NFE2L3: variants seen among roughly 807,000 people sequenced by gnomAD.
NFE2L3 encodes nuclear factor erythroid 2-related factor 3.
A neutral mutation model predicts 23.5 loss-of-function variants in NFE2L3; 18 were observed. The ratio of observed to expected loss-of-function variants is 0.77; its 90% CI spans 0.53 to 1.13. The LOEUF (loss-of-function observed/expected upper bound fraction) is 1.13. Ranked by LOEUF, NFE2L3 falls within the 50% of genes most tolerant of loss-of-function variation. The pLI, the probability that NFE2L3 is intolerant of heterozygous loss-of-function variation, is 0.00. For synonymous variants in NFE2L3, 424 were observed against 354.5 expected, an observed-to-expected ratio of 1.20 and a Z score of -2.20; for missense variants, 1,152 against 877.2, an observed-to-expected ratio of 1.31 and a Z score of -3.96.
At chr7:26,183,623 TCCTTTAAAGATAAAGCCTAAAG>T in intron 2 of NFE2L3, 56 bp from the exon 3 acceptor site, 1 of 825,908 alleles carries the variant, frequency 1.2e-6, no homozygotes, top group African/African-American at 1.7e-5. Context: ...TACCTGGTGA[TCCTTTAAAGATAAAGCCTAAAG>T]CCCCAACCAG....
At chr7:26,175,757 C>T (rs565899238) in intron 1 of NFE2L3, among the ~76,000 whole-genome samples, 105 of 143,668 alleles carry the variant, frequency 7.3e-4, no homozygotes, top group Non-Finnish European at 1.1e-3. Flanking sequence ...CCAGCCTGGG[C>T]GACAGAGCAA....
chr7:26,166,222 G>C (rs1784250115), intron 1 of NFE2L3, among the ~76,000 whole-genome samples: 1 of 152,162 alleles, frequency 6.6e-6, no homozygotes, highest in Admixed American at 6.5e-5. Context: ...GGGGCAGACA[G>C]GGACGTTGGA....
At chr7:26,163,732 G>A (rs561442456) in intron 1 of NFE2L3, among the ~76,000 whole-genome samples, 4 of 152,274 alleles carry the variant, frequency 2.6e-5, no homozygotes, top group South Asian at 2.1e-4. Flanking sequence ...ATGTATACAT[G>A]TGCCATGTTG....
Position 26,185,757 on chromosome 7 carries a change from G to GT in NFE2L3, c.2059_2060insT (p.Glu687ValfsTer13), listed in dbSNP as rs1782467744. ...ACTGGTGGCCTCAGGCCACAAAAAG[G>GT]AAACCCAAAAGGGAAAGAGAAAGTG... On this transcript the variant is annotated frameshift_variant, in exon 4 of 4. Transcript: ENST00000056233. LOFTEE classifies it high-confidence loss of function. 5.7e-6 allele frequency: 9 copies of GT among 1,584,502 alleles called. No individual in the cohort carries two copies. Among genetic ancestry groups the GT allele is most frequent in the Non-Finnish European group, 6.8e-6 (8 of 1,172,670 alleles).
At chr7:26,183,829 C>A in intron 3 of NFE2L3, 45 bp downstream of exon 3, 3 of 1,250,304 alleles carry the variant, frequency 2.4e-6, no homozygotes, top group South Asian at 1.2e-5. Context: ...CATATCTGCA[C>A]TGACCTTTTG....
At chr7:26,172,524 T>A (rs1054276201) in intron 1 of NFE2L3, among the ~76,000 whole-genome samples, 2 of 152,238 alleles carry the variant, frequency 1.3e-5, no homozygotes, top group African/African-American at 4.8e-5. Flanking sequence ...CTATCTAATC[T>A]ACAGTCCATT....
chr7:26,172,770 C>T (rs375832358), intron 1 of NFE2L3, among the ~76,000 whole-genome samples: 4 of 152,138 alleles, frequency 2.6e-5, no homozygotes, highest in African/African-American at 4.8e-5. Flanking sequence ...CAGGAGACCA[C>T]GATGTTGGTT....
At chr7:26,160,747 T>C (rs892466718) in intron 1 of NFE2L3, among the ~76,000 whole-genome samples, 1 of 152,268 alleles carries the variant, frequency 6.6e-6, no homozygotes, top group Non-Finnish European at 1.5e-5. Flanking sequence ...GCTAACCACA[T>C]GTACAGAATA....
intron 1 of NFE2L3, among the ~76,000 whole-genome samples, chr7:26,161,266 C>T (rs1784165162): frequency 6.8e-6 from 1 of 147,658 alleles, no homozygotes; most frequent in Admixed American, 6.8e-5. Context: ...GGAGGCAGAA[C>T]TCTAAATGCC....
Position 26,152,837 on chromosome 7 carries a change from G to A in NFE2L3, c.339G>A (p.Val113=). The stretch of plus-strand genomic sequence containing the variant: ...GCACCAGCGTGGATGCATGGCTGGT[G>A]CACAGCGTGGCTGCCGGGAGCGCGG... ...VPRTSVDAWL[V]HSVAAGSADE... Residue 113 remains valine (V), a synonymous_variant, in exon 1 of 4, where the codon GTG becomes GTA. Transcript: ENST00000056233. This position sits in a 1 kb window ranked among gnomAD's most constrained non-coding sequence, Gnocchi z 4.4. 1 of 1,476,976 alleles carries A rather than the reference G, an allele frequency of 6.8e-7. No individual in the cohort carries two copies. Among genetic ancestry groups the A allele is most frequent in the South Asian group, 1.3e-5 (1 of 78,126 alleles). 91.5% of individuals were successfully genotyped at this position (1,476,976 alleles called of 1,614,324 possible). A position where few individuals can be genotyped will look rare whatever the true frequency, so the allele number is the denominator to read the frequency against.
At chr7:26,159,765 C>T (rs1187080062) in intron 1 of NFE2L3, among the ~76,000 whole-genome samples, 1 of 152,068 alleles carries the variant, frequency 6.6e-6, no homozygotes, top group African/African-American at 2.4e-5. Flanking sequence ...AGTGGTGAAA[C>T]TTGGGATTGC....
At chr7:26,179,033 C>T (rs1784462574) in intron 2 of NFE2L3, among the ~76,000 whole-genome samples, 1 of 151,478 alleles carries the variant, frequency 6.6e-6, no homozygotes, top group South Asian at 2.1e-4. Context: ...TTACATGGAA[C>T]ATTACTTATT....
chr7:26,169,464 GCA>G (rs1784302554), intron 1 of NFE2L3, among the ~76,000 whole-genome samples: 1 of 152,206 alleles, frequency 6.6e-6, no homozygotes, highest in Non-Finnish European at 1.5e-5. Context: ...TGGGATGTGG[GCA>G]CACTGGGATG....
intron 1 of NFE2L3, among the ~76,000 whole-genome samples, chr7:26,172,899 T>C: frequency 6.6e-6 from 1 of 152,204 alleles, no homozygotes; most frequent in African/African-American, 2.4e-5. Context: ...GAGTGATACT[T>C]TGAGACTCTT....
At chr7:26,164,183 G>A (rs572549673) in intron 1 of NFE2L3, among the ~76,000 whole-genome samples, 28 of 152,296 alleles carry the variant, frequency 1.8e-4, no homozygotes, top group Middle Eastern at 3.4e-3. Context: ...GTAATGGGAT[G>A]GCTAGGTCAA....
rs1279014640 is a variant in NFE2L3 at position 26,185,920 on chromosome 7, T to A, written c.*137T>A. 12 of 755,906 alleles carry A rather than the reference T, an allele frequency of 1.6e-5. No homozygotes were observed. Among genetic ancestry groups the A allele is most frequent in the Non-Finnish European group, 2.3e-5 (11 of 486,622 alleles). The allele number at this position is 755,906 out of a possible 1,614,324, so 46.8% of individuals were successfully genotyped here. On this transcript the variant is annotated 3_prime_UTR_variant, in exon 4 of 4. Coordinates refer to ENST00000056233, the MANE Select transcript of NFE2L3 (RefSeq NM_004289.7). ...CTTGAATAACTCAGTTAACGCTGTT[T>A]TGAAGCTTACATGGACAAATGTTTA... is the stretch of plus-strand genomic sequence containing the variant.
intron 2 of NFE2L3, among the ~76,000 whole-genome samples, chr7:26,181,107 CTG>C (rs1273592454): frequency 2.0e-5 from 3 of 152,108 alleles, no homozygotes; most frequent in African/African-American, 7.2e-5. Context: ...TCCCAAGTAA[CTG>C]GGGCTATAGG....
intron 1 of NFE2L3, among the ~76,000 whole-genome samples, chr7:26,176,077 G>A (rs1390909273): frequency 5.3e-5 from 8 of 151,690 alleles, no homozygotes; most frequent in Non-Finnish European, 1.2e-4. Context: ...TGAGCATGCT[G>A]CCTTCAAGCA....
chr7:26,162,766 G>A (rs1784193152), intron 1 of NFE2L3, among the ~76,000 whole-genome samples: 1 of 151,342 alleles, frequency 6.6e-6, no homozygotes, highest in Admixed American at 6.6e-5. Context: ...AGGCTGGAGT[G>A]CAGTGGCATA....
Sources: gnomAD v4.1 joint callset for allele counts (sites outside exome capture counted in the v4.1 genomes callset) on GRCh38, gnomAD v4.1.1 for gene constraint, Gnocchi (gnomAD v3.1) non-coding constraint, MANE v1.5 for transcripts, NCBI Gene and HGNC (gene_info 2026-07-23, HGNC 2026-07-21) for gene names.